Variants in CCSER1 observed in about 807,000 individuals in gnomAD.
The protein encoded by CCSER1 is serine-rich coiled-coil domain-containing protein 1.
A neutral mutation model predicts 82.0 loss-of-function variants in CCSER1; 41 were observed. That is an observed-to-expected ratio of 0.50 (90% CI 0.39 to 0.65). The LOEUF is 0.65. Among genes scored for constraint, CCSER1 ranks in the 30% least tolerant of loss-of-function variants. The probability of loss-of-function intolerance (pLI) is 0.00; values close to 1 mark genes in which losing one functional copy is unlikely to be tolerated. For missense variants in CCSER1, 1,119 were observed against 1,064.2 expected (o/e 1.05, Z -0.72); for synonymous variants, 414 against 383.9 (o/e 1.08, Z -0.92).
At chr4:90,814,820 A>G (rs1025866720) in intron 7 of CCSER1, among the ~76,000 whole-genome samples, 8 of 152,140 alleles carry the variant, frequency 5.3e-5, no homozygotes, top group Non-Finnish European at 1.2e-4. Context: ...TGACCAAATC[A>G]CCATAACATT....
chr4:91,208,835 C>T (rs1277136141), intron 10 of CCSER1, among the ~76,000 whole-genome samples: 1 of 151,910 alleles, frequency 6.6e-6, no homozygotes, highest in Non-Finnish European at 1.5e-5. Context: ...TTGATTCTTC[C>T]TATCAATGAG....
rs544575985 is a variant in CCSER1 at position 90,872,996 on chromosome 4, C to A, written c.2095-50374C>A. On this transcript the variant is annotated intron_variant, in intron 8 of 10. Transcript: ENST00000509176. ...TTCTTTTCCCTTGCTGCTTTTAGGA[C>A]CTCTTTTAAAAAAATACTTGATTTG... 2.9e-3 allele frequency among the ~76,000 whole-genome samples: 437 copies of A among 151,880 alleles called. 3 individuals carry two copies. The highest frequency in any genetic ancestry group is 4.7e-3 in the Non-Finnish European group (316 of 67,866).
intron 3 of CCSER1, among the ~76,000 whole-genome samples, chr4:90,397,234 G>C (rs1457887464): frequency 6.6e-6 from 1 of 152,154 alleles, no homozygotes; most frequent in Non-Finnish European, 1.5e-5. Context: ...GCTAGTCCAA[G>C]TGTCAAGTGT....
chr4:91,017,807 T>C (rs1290617309), intron 9 of CCSER1, among the ~76,000 whole-genome samples: 1 of 118,962 alleles, frequency 8.4e-6, no homozygotes, highest in African/African-American at 3.1e-5. Context: ...TTATGGTTTT[T>C]AAATTGTGTG....
chr4:90,933,036 GAAAGAA>G (rs1730364900), intron 9 of CCSER1, among the ~76,000 whole-genome samples: 1 of 96,174 alleles, frequency 1.0e-5, no homozygotes, highest in Non-Finnish European at 2.0e-5. Context: ...AAGAAAGAAA[GAAAGAA>G]AGAGAAGGAA....
chr4:91,441,101 T>C (rs1755101883), intron 10 of CCSER1, among the ~76,000 whole-genome samples: 1 of 151,962 alleles, frequency 6.6e-6, no homozygotes, highest in Non-Finnish European at 1.5e-5. Flanking sequence ...AAAGAGGGAA[T>C]CCTCCCTAAC....
At chr4:90,594,254 A>T (rs949391697) in intron 5 of CCSER1, among the ~76,000 whole-genome samples, 1 of 152,116 alleles carries the variant, frequency 6.6e-6, no homozygotes, top group Admixed American at 6.6e-5. Context: ...CATGGCTCAG[A>T]CTCCCATCTC....
chr4:91,449,242 T>G (rs1315325302), intron 10 of CCSER1, among the ~76,000 whole-genome samples: 1 of 152,066 alleles, frequency 6.6e-6, no homozygotes, highest in Non-Finnish European at 1.5e-5. Flanking sequence ...CTGAAGCAGA[T>G]GTGGTAATAT....
intron 5 of CCSER1, among the ~76,000 whole-genome samples, chr4:90,623,197 A>T (rs1722669462): frequency 6.8e-6 from 1 of 147,352 alleles, no homozygotes; most frequent in South Asian, 2.2e-4. Flanking sequence ...CCGGCTAATT[A>T]TTTTTTTTTT....
chr4:90,800,510 C>T (rs1756666373), intron 7 of CCSER1, among the ~76,000 whole-genome samples: 1 of 152,122 alleles, frequency 6.6e-6, no homozygotes, highest in Non-Finnish European at 1.5e-5. Flanking sequence ...TCCTAGCTAT[C>T]TCCTCTGGGA....
At chr4:91,067,809 T>G (rs1047371558) in intron 9 of CCSER1, among the ~76,000 whole-genome samples, 7 of 152,208 alleles carry the variant, frequency 4.6e-5, no homozygotes, top group Non-Finnish European at 1.0e-4. Context: ...GAATACCTTT[T>G]GTAATGAGTT....
chr4:91,284,939 CA>C (rs1560565993), intron 10 of CCSER1, among the ~76,000 whole-genome samples: 7 of 151,676 alleles, frequency 4.6e-5, no homozygotes, highest in Admixed American at 2.6e-4. Flanking sequence ...CAACAATGAA[CA>C]AAAAAATATG....
intron 10 of CCSER1, among the ~76,000 whole-genome samples, chr4:91,316,056 G>C (rs1745807653): frequency 6.6e-6 from 1 of 151,858 alleles, no homozygotes; most frequent in African/African-American, 2.4e-5. Context: ...TTTTACATAG[G>C]GCAGTTTCAC....
rs1580926583 is a variant in CCSER1, at chr4:90,885,101, A to G, written c.2095-38269A>G. On this transcript the variant is annotated intron_variant, in intron 8 of 10. Transcript: ENST00000509176. ...TAAAATGTTGTACCTCTTAGGTGAC[A>G]TCATTGAAAAACTTATAGTAAGACA... 3.9e-5 allele frequency among the ~76,000 whole-genome samples: 6 copies of G among 152,326 alleles called. No individual in the cohort carries two copies. The South Asian group carries it at 1.2e-3, about 32-fold the overall frequency.
At chr4:90,235,833 T>C (rs1745688231) in intron 1 of CCSER1, among the ~76,000 whole-genome samples, 1 of 152,252 alleles carries the variant, frequency 6.6e-6, no homozygotes, top group Non-Finnish European at 1.5e-5. Context: ...GTTTACTTTT[T>C]ACTTTTGCTT....
chr4:90,425,803 T>C (rs868005135), intron 4 of CCSER1, among the ~76,000 whole-genome samples: 4 of 152,142 alleles, frequency 2.6e-5, no homozygotes, highest in Admixed American at 6.5e-5. Flanking sequence ...ACCACCACTT[T>C]TTCTACACAC....
At chr4:90,788,549 T>C (rs1027810392) in intron 7 of CCSER1, among the ~76,000 whole-genome samples, 10 of 152,182 alleles carry the variant, frequency 6.6e-5, no homozygotes, top group Non-Finnish European at 1.2e-4. Context: ...GGTGGTTCCC[T>C]GTAGGTGTCC....
chr4:90,337,999 T>G (rs1018196904), intron 3 of CCSER1, among the ~76,000 whole-genome samples: 2 of 152,204 alleles, frequency 1.3e-5, no homozygotes, highest in African/African-American at 2.4e-5. Context: ...CCTCACAGTT[T>G]AGTTGAAGGC....
intron 6 of CCSER1, among the ~76,000 whole-genome samples, chr4:90,648,198 A>G (rs894450292): frequency 6.6e-6 from 1 of 151,592 alleles, no homozygotes; most frequent in Non-Finnish European, 1.5e-5. Context: ...TTTTCATTGT[A>G]TGTCAGTCTC....
Sources: allele counts gnomAD v4.1 joint callset (sites outside exome capture counted in the v4.1 genomes callset), GRCh38; gene constraint gnomAD v4.1.1; transcripts MANE v1.5; gene names NCBI Gene and HGNC (gene_info 2026-07-23, HGNC 2026-07-21).